CSMD1: variants seen among roughly 807,000 people sequenced by gnomAD.
The protein encoded by CSMD1 is CUB and Sushi multiple domains 1, also known as CUB and sushi domain-containing protein 1.
Under a neutral mutation model 417.5 loss-of-function variants are expected in CSMD1, and 213 were observed. The observed-to-expected ratio is 0.51, with a 90% CI of 0.46 to 0.57. The LOEUF (loss-of-function observed/expected upper bound fraction) is 0.57, where lower values mean the gene tolerates loss of function less well. CSMD1 is among the 20% of genes least tolerant of loss of function. CSMD1 has a pLI of 0.00. For synonymous variants in CSMD1, 2,862 were observed against 1,736.8 expected (o/e 1.65, Z -16.11); for missense variants, 6,923 against 4,529.7 (o/e 1.53, Z -15.17).
intron 43 of CSMD1, 34 bp from the exon 44 acceptor site, chr8:3,108,782 A>C (rs372850348): frequency 1.2e-4 from 197 of 1,576,442 alleles, no homozygotes; most frequent in Non-Finnish European, 1.4e-4. Context: ...CTGGCTAAGG[A>C]TATTTACTTC....
At chr8:3,558,394 CTT>C (rs1799279129) in intron 10 of CSMD1, among the ~76,000 whole-genome samples, 1 of 145,040 alleles carries the variant, frequency 6.9e-6, no homozygotes, top group Non-Finnish European at 1.5e-5. Flanking sequence ...CCCGTGTCCA[CTT>C]CTCCAATGAT....
In CSMD1 at chr8:3,605,145, C is replaced by T. The variant is rs60420708; in HGVS notation, c.1097+11565G>A. 4.7e-3 allele frequency among the ~76,000 whole-genome samples: 720 copies of T among 152,292 alleles called. 6 individuals carry two copies. Among genetic ancestry groups the T allele is most frequent in the African/African-American group, 0.017 (699 of 41,560 alleles). On this transcript the variant is annotated intron_variant, in intron 8 of 69. Coordinates refer to ENST00000635120, the MANE Select transcript of CSMD1 (RefSeq NM_033225.6). ...GAGTAGCTGGGACTACAGGCGCATG[C>T]CATGTCTGGCTAATTTTTGTATTTT...
chr8:3,358,077 G>A (rs1808913355), intron 21 of CSMD1, among the ~76,000 whole-genome samples: 1 of 152,096 alleles, frequency 6.6e-6, no homozygotes, highest in Admixed American at 6.5e-5. Flanking sequence ...TCTGCACCAT[G>A]GTAAAATAAA....
chr8:3,003,132 C>A (rs915557821), intron 52 of CSMD1, among the ~76,000 whole-genome samples: 1 of 152,138 alleles, frequency 6.6e-6, no homozygotes, highest in Non-Finnish European at 1.5e-5. Context: ...TAGTCTATTA[C>A]AAATAGAGGA....
At chr8:4,376,626 T>C (rs558799569) in intron 3 of CSMD1, among the ~76,000 whole-genome samples, 18 of 152,342 alleles carry the variant, frequency 1.2e-4, no homozygotes, top group Non-Finnish European at 2.6e-4. Flanking sequence ...TAAATAATAT[T>C]TCTTTTCAGA....
intron 5 of CSMD1, among the ~76,000 whole-genome samples, chr8:3,957,274 T>A (rs7018099): frequency 0.14 from 21,764 of 152,184 alleles, 1,954 homozygotes; most frequent in African/African-American, 0.25. Flanking sequence ...GCAGTGGGGA[T>A]ACATGTACTT....
chr8:3,014,190 A>C (rs1695567654), intron 52 of CSMD1, among the ~76,000 whole-genome samples: 1 of 83,800 alleles, frequency 1.2e-5, no homozygotes, highest in African/African-American at 5.5e-5. Flanking sequence ...ATAGGAATAA[A>C]ATTTTTGATT....
At position 4,276,499 on chromosome 8, in the gene CSMD1, G is replaced by A. The variant is rs1237210970; in HGVS notation, c.415+143454C>T. ...GGAGAAATACCTAATACAGATGACG[G>A]GTTAGTGGGTGCAGCAAACCACCAT... On this transcript the variant is annotated intron_variant, in intron 3 of 69. Coordinates refer to ENST00000635120, the MANE Select transcript of CSMD1 (RefSeq NM_033225.6). Among the ~76,000 whole-genome samples, 4 of 152,072 alleles carry A rather than the reference G, an allele frequency of 2.6e-5. No homozygotes were observed. The East Asian group carries it at 5.8e-4, about 22-fold the overall frequency.
intron 5 of CSMD1, among the ~76,000 whole-genome samples, chr8:3,968,068 T>G (rs941667306): frequency 2.0e-5 from 3 of 148,538 alleles, no homozygotes; most frequent in African/African-American, 7.5e-5. Flanking sequence ...GCGCCTGTAG[T>G]CCCAGCTCCT....
At chr8:3,378,831 T>C (rs1231401044) in intron 18 of CSMD1, among the ~76,000 whole-genome samples, 1 of 152,148 alleles carries the variant, frequency 6.6e-6, no homozygotes, top group Non-Finnish European at 1.5e-5. Context: ...CTTTGAAAAC[T>C]GGCAAAAGAC....
intron 3 of CSMD1, among the ~76,000 whole-genome samples, chr8:4,090,643 TTAAG>T (rs1563110793): frequency 1.3e-5 from 2 of 152,208 alleles, no homozygotes; most frequent in Admixed American, 6.5e-5. Flanking sequence ...GTCCCTGAAC[TTAAG>T]TAATTTAAGT....
At chr8:3,464,211 T>G (rs1816675680) in intron 12 of CSMD1, among the ~76,000 whole-genome samples, 1 of 152,164 alleles carries the variant, frequency 6.6e-6, no homozygotes, top group South Asian at 2.1e-4. Context: ...GAACCGAATT[T>G]TTTTTTGTAA....
chr8:3,425,025 G>C (rs1813738104), intron 12 of CSMD1, among the ~76,000 whole-genome samples: 1 of 152,054 alleles, frequency 6.6e-6, no homozygotes, highest in Non-Finnish European at 1.5e-5. Context: ...CTTTTGTAGA[G>C]ACAGGGGTCT....
chr8:4,796,149 C>T lies in CSMD1; in HGVS notation c.86-158591G>A, dbSNP rs77121850. Among the ~76,000 whole-genome samples, 499 of 151,874 alleles carry T rather than the reference C, an allele frequency of 3.3e-3. 9 individuals are homozygous for T. The highest frequency in any genetic ancestry group is 0.012 in the African/African-American group (481 of 41,392). ...GATCCAGGACCAAAAAAACTTAAGCCTCATCAAGGTGGTTTCGACAATGAA... is the reference window on the plus strand; with the variant it reads ...GATCCAGGACCAAAAAAACTTAAGCTTCATCAAGGTGGTTTCGACAATGAA... On this transcript the variant is annotated intron_variant, in intron 1 of 69. Coordinates refer to ENST00000635120, the MANE Select transcript of CSMD1 (RefSeq NM_033225.6).
intron 5 of CSMD1, among the ~76,000 whole-genome samples, chr8:3,876,238 A>T (rs1432826653): frequency 6.6e-6 from 1 of 152,192 alleles, no homozygotes; most frequent in Non-Finnish European, 1.5e-5. Flanking sequence ...GCTAAGCCAG[A>T]CGTTTAAAAT....
intron 11 of CSMD1, among the ~76,000 whole-genome samples, chr8:3,480,035 A>G (rs983878458): frequency 1.3e-5 from 2 of 152,170 alleles, no homozygotes; most frequent in Non-Finnish European, 2.9e-5. Flanking sequence ...GAATTCTCCT[A>G]CACTAAACAA....
intron 4 of CSMD1, among the ~76,000 whole-genome samples, chr8:4,027,056 G>A (rs887393152): frequency 7.2e-5 from 11 of 152,200 alleles, no homozygotes; most frequent in Non-Finnish European, 1.5e-5. Flanking sequence ...AAAAGAAGCA[G>A]ATAGTTCTCA....
At chr8:3,827,039 T>C (rs1278315283) in intron 5 of CSMD1, among the ~76,000 whole-genome samples, 3 of 152,148 alleles carry the variant, frequency 2.0e-5, no homozygotes, top group Admixed American at 6.6e-5. Context: ...ATCTTGGCCT[T>C]TTGAAGTGTT....
intron 1 of CSMD1, among the ~76,000 whole-genome samples, chr8:4,645,175 T>C (rs1290137240): frequency 6.6e-6 from 1 of 152,136 alleles, no homozygotes. Context: ...GCTGTTCCTA[T>C]GGACGTTGGC....
Sources: gnomAD v4.1 joint callset for allele counts (sites outside exome capture counted in the v4.1 genomes callset) on GRCh38, gnomAD v4.1.1 for gene constraint, MANE v1.5 for transcripts, NCBI Gene and HGNC (gene_info 2026-07-23, HGNC 2026-07-21) for gene names.